The following TG variants were observed in gnomAD, a reference collection of about 807,000 sequenced individuals.
TG encodes thyroid hormones.
A neutral mutation model predicts 324.7 loss-of-function variants in TG; 270 were observed. That is an observed-to-expected ratio of 0.83 (90% CI 0.75 to 0.92). TG has a LOEUF of 0.92. Ranked by LOEUF, TG falls within the 40% of genes least tolerant of loss-of-function variation. The pLI is 0.00. For missense variants in TG, 3,591 were observed against 3,456.4 expected, an observed-to-expected ratio of 1.04 and a Z score of -0.98; for synonymous variants, 1,401 against 1,327.0, an observed-to-expected ratio of 1.06 and a Z score of -1.21.
chr8:132,887,120 A>G lies in TG; in HGVS notation c.1748A>G (p.His583Arg), dbSNP rs775348068. ...CCAGAATTCCTTCTCTTCTTGCAAC[A>G]TGCTATCTCTGTGCCAGAAGATGTG... ...ELPEFLLFLQ[H>R]AISVPEDVAR... The change falls in exon 9 of 48, where the codon CAT (histidine) becomes CGT (arginine). Residue 583 changes from histidine (H) to arginine (R), a missense_variant. Coordinates refer to ENST00000220616, the MANE Select transcript of TG (RefSeq NM_003235.5). 13 of 1,614,098 alleles carry G rather than the reference A, an allele frequency of 8.1e-6. No individual in the cohort carries two copies. The South Asian group carries it at 1.1e-4, about 14-fold the overall frequency.
intron 43 of TG, among the ~76,000 whole-genome samples, chr8:133,098,841 C>T: frequency 6.6e-6 from 1 of 152,114 alleles, no homozygotes; most frequent in Non-Finnish European, 1.5e-5. Context: ...TATGCCCGTT[C>T]ATTGTGAGAG....
chr8:132,905,863 T>TGA (rs1304939237), intron 16 of TG, among the ~76,000 whole-genome samples: 14 of 152,204 alleles, frequency 9.2e-5, no homozygotes, highest in African/African-American at 3.1e-4. Flanking sequence ...GAGTTGATAT[T>TGA]TGAGGGTCAA....
intron 35 of TG, among the ~76,000 whole-genome samples, chr8:132,993,972 A>G (rs1452279512): frequency 6.6e-6 from 1 of 152,204 alleles, no homozygotes; most frequent in Non-Finnish European, 1.5e-5. Context: ...ATAATCAAAA[A>G]TGACCTCAAT....
chr8:132,965,406 C>T (rs1480407682), intron 29 of TG, among the ~76,000 whole-genome samples: 1 of 152,202 alleles, frequency 6.6e-6, no homozygotes, highest in African/African-American at 2.4e-5. Context: ...TGGAAAATGG[C>T]TGCTGACAAG....
chr8:132,922,297 A>G (rs1307011335), intron 21 of TG, among the ~76,000 whole-genome samples: 1 of 152,230 alleles, frequency 6.6e-6, no homozygotes, highest in African/African-American at 2.4e-5. Context: ...GAACATGGAT[A>G]TAGAGGTATT....
intron 8 of TG, among the ~76,000 whole-genome samples, chr8:132,884,978 G>A (rs956996980): frequency 2.0e-5 from 3 of 152,222 alleles, no homozygotes; most frequent in African/African-American, 7.2e-5. Context: ...CCATGGCCTC[G>A]TTGAGGGATG....
At chr8:132,936,829 C>G (rs1823677110) in intron 25 of TG, among the ~76,000 whole-genome samples, 1 of 152,220 alleles carries the variant, frequency 6.6e-6, no homozygotes, top group South Asian at 2.1e-4. Flanking sequence ...TGACCTGTGA[C>G]CTGTGGTTCC....
chr8:133,133,921 G>C (rs1244002341), intron 47 of TG, among the ~76,000 whole-genome samples: 2 of 152,196 alleles, frequency 1.3e-5, no homozygotes, highest in East Asian at 3.9e-4. Flanking sequence ...AGGTCTATGG[G>C]GGGTAGAATG....
intron 46 of TG, 99 bp from the exon 47 acceptor site, chr8:133,133,371 A>G (rs1852092413): frequency 8.1e-7 from 1 of 1,228,200 alleles, no homozygotes; most frequent in Non-Finnish European, 1.2e-6. Context: ...AGATACATGA[A>G]TTGTCCCTCA....
intron 35 of TG, among the ~76,000 whole-genome samples, chr8:132,988,226 G>C (rs1195550523): frequency 6.6e-6 from 1 of 152,128 alleles, no homozygotes; most frequent in African/African-American, 2.4e-5. Context: ...ACCATAGACA[G>C]GCAGGAAAAG....
chr8:132,938,913 G>A (rs1189937012), intron 25 of TG, among the ~76,000 whole-genome samples: 4 of 152,074 alleles, frequency 2.6e-5, no homozygotes, highest in African/African-American at 9.7e-5. Flanking sequence ...TTAGCTGGGT[G>A]TGGTGGCGGG....
intron 18 of TG, among the ~76,000 whole-genome samples, chr8:132,908,614 T>A (rs1056647186): frequency 1.3e-5 from 2 of 152,060 alleles, no homozygotes; most frequent in Admixed American, 6.6e-5. Context: ...TGAGGTCTAG[T>A]AGAGGGCTCA....
intron 35 of TG, among the ~76,000 whole-genome samples, chr8:133,004,846 T>C (rs539985736): frequency 6.6e-6 from 1 of 152,306 alleles, no homozygotes; most frequent in Non-Finnish European, 1.5e-5. Context: ...CTGAGTGGGC[T>C]GAGACTCATG....
chr8:133,007,824 G>A (rs1834159025), intron 35 of TG, among the ~76,000 whole-genome samples: 1 of 150,786 alleles, frequency 6.6e-6, no homozygotes, highest in Admixed American at 6.6e-5. Flanking sequence ...GAGTGTTGAG[G>A]CAGAGAACTA....
In TG at chr8:132,887,086, C is replaced by T; in HGVS notation, c.1714C>T (p.Leu572=). The T allele has an allele frequency of 6.2e-7, 1 of 1,614,214 alleles. No individual in the cohort carries two copies. Among genetic ancestry groups the T allele is most frequent in the Non-Finnish European group, 8.5e-7 (1 of 1,180,042 alleles). Residue 572 remains leucine (L), a synonymous_variant, in exon 9 of 48, where the codon CTG becomes TTG. Coordinates refer to ENST00000220616, the MANE Select transcript of TG (RefSeq NM_003235.5). ...TGCCCTCAAATTCCTTGCTTCTCTC[C>T]TGGAGCTTCCAGAATTCCTTCTCTT... is the stretch of plus-strand genomic sequence containing the variant. The part of the protein sequence containing the change: ...QNALKFLASL[L]ELPEFLLFLQ...
intron 45 of TG, among the ~76,000 whole-genome samples, chr8:133,124,724 T>A (rs535712861): frequency 6.6e-6 from 1 of 152,150 alleles, no homozygotes; most frequent in African/African-American, 2.4e-5. Flanking sequence ...ACATTCAAAA[T>A]GACTAAAGAG....
At chr8:133,051,724 G>A (rs1840448869) in intron 41 of TG, among the ~76,000 whole-genome samples, 1 of 152,180 alleles carries the variant, frequency 6.6e-6, no homozygotes, top group South Asian at 2.1e-4. Context: ...TCTATCCTTA[G>A]TGATTTGATG....
intron 36 of TG, 91 bp from the exon 37 acceptor site, chr8:133,013,509 G>A (rs1834715798): frequency 1.4e-6 from 2 of 1,477,036 alleles, no homozygotes; most frequent in Non-Finnish European, 1.9e-6. Flanking sequence ...AAGGGTGGAT[G>A]AGTGGATGGT....
intron 21 of TG, among the ~76,000 whole-genome samples, chr8:132,921,455 A>C (rs1281892398): frequency 6.6e-6 from 1 of 152,188 alleles, no homozygotes; most frequent in Non-Finnish European, 1.5e-5. Flanking sequence ...GGATCTGTTC[A>C]TACCTAAGAA....
Sources: allele counts gnomAD v4.1 joint callset (sites outside exome capture counted in the v4.1 genomes callset), GRCh38; gene constraint gnomAD v4.1.1; transcripts MANE v1.5; gene names NCBI Gene and HGNC (gene_info 2026-07-23, HGNC 2026-07-21).